RBFOX1: variants seen among roughly 807,000 people sequenced by gnomAD.
RBFOX1 encodes the protein RNA binding protein fox-1 homolog 1.
RBFOX1 carries 8 observed loss-of-function variants against 57.7 expected under a neutral mutation model. The observed-to-expected ratio is 0.14, with a 90% CI of 0.08 to 0.25. The LOEUF is 0.25. RBFOX1 is among the 10% of genes least tolerant of loss of function. The pLI is 1.00. For missense variants in RBFOX1, 611 were observed against 548.5 expected (o/e 1.11, Z -1.14); for synonymous variants, 326 against 222.4 (o/e 1.47, Z -4.15).
intron 4 of RBFOX1, among the ~76,000 whole-genome samples, chr16:7,059,077 A>T (rs1036676296): frequency 6.6e-6 from 1 of 152,184 alleles, no homozygotes; most frequent in African/African-American, 2.4e-5. Context: ...GGATTGCATA[A>T]TGAAAATTGC....
intron 3 of RBFOX1, among the ~76,000 whole-genome samples, chr16:5,820,442 C>A (rs969379831): frequency 6.6e-6 from 1 of 152,236 alleles, no homozygotes; most frequent in South Asian, 2.1e-4. Flanking sequence ...GTGGCTGGAC[C>A]GTGCCGGGAT....
At chr16:6,221,327 C>G (rs992197985) in intron 1 of RBFOX1, among the ~76,000 whole-genome samples, 1 of 152,120 alleles carries the variant, frequency 6.6e-6, no homozygotes, top group African/African-American at 2.4e-5. Flanking sequence ...ATTTGAATTT[C>G]ATTACTAGTG....
At chr16:7,226,293 C>T (rs1383375143) in intron 4 of RBFOX1, among the ~76,000 whole-genome samples, 1 of 152,206 alleles carries the variant, frequency 6.6e-6, no homozygotes, top group Non-Finnish European at 1.5e-5. Flanking sequence ...GAACTACAAG[C>T]TACGGAGTTC....
At chr16:6,574,706 G>C (rs2097400567) in intron 2 of RBFOX1, among the ~76,000 whole-genome samples, 1 of 112 alleles carries the variant, frequency 8.9e-3, no homozygotes. Context: ...GGGATTACAG[G>C]CGTGACTACC....
At chr16:7,230,657 A>C (rs2093445778) in intron 4 of RBFOX1, among the ~76,000 whole-genome samples, 1 of 152,196 alleles carries the variant, frequency 6.6e-6, no homozygotes, top group Non-Finnish European at 1.5e-5. Context: ...TTGTTTGTGA[A>C]AATCAGTTGA....
intron 10 of RBFOX1, among the ~76,000 whole-genome samples, chr16:7,626,535 G>C (rs2060098183): frequency 6.6e-6 from 1 of 152,178 alleles, no homozygotes; most frequent in Admixed American, 6.5e-5. Flanking sequence ...ATTGAGGTCT[G>C]TCCCATGGAG....
At chr16:7,446,065 C>T (rs548682185) in intron 4 of RBFOX1, among the ~76,000 whole-genome samples, 2 of 152,158 alleles carry the variant, frequency 1.3e-5, no homozygotes, top group Non-Finnish European at 2.9e-5. Context: ...CCCTGCTACT[C>T]CATCTTGTCT....
intron 2 of RBFOX1, among the ~76,000 whole-genome samples, chr16:5,531,965 A>T (rs2044495959): frequency 6.6e-6 from 1 of 151,986 alleles, no homozygotes; most frequent in African/African-American, 2.4e-5. Flanking sequence ...ATTCCTGGCT[A>T]ATTTTTGTAT....
chr16:7,175,096 A>G (rs111958597), intron 4 of RBFOX1, among the ~76,000 whole-genome samples: 13,801 of 151,518 alleles, frequency 0.091, 822 homozygotes, highest in Non-Finnish European at 0.13. Context: ...CGTTTGTTAC[A>G]TAGGTAAATG....
At chr16:6,716,912 A>T (rs750938217) in intron 3 of RBFOX1, among the ~76,000 whole-genome samples, 1 of 152,198 alleles carries the variant, frequency 6.6e-6, no homozygotes, top group South Asian at 2.1e-4. Context: ...ATGTGATGGT[A>T]TTAGGAGGTG....
intron 1 of RBFOX1, among the ~76,000 whole-genome samples, chr16:6,287,127 G>C (rs1446431021): frequency 1.3e-5 from 2 of 152,106 alleles, no homozygotes; most frequent in African/African-American, 4.8e-5. Context: ...AGGGTATTCA[G>C]AGTCATTTGA....
At chr16:7,383,635 C>G (rs568215308) in intron 4 of RBFOX1, among the ~76,000 whole-genome samples, 3 of 152,226 alleles carry the variant, frequency 2.0e-5, no homozygotes, top group Non-Finnish European at 2.9e-5. Flanking sequence ...GAATATGACA[C>G]CTTCATGATA....
At chr16:5,844,321 A>T (rs4786781) in intron 3 of RBFOX1, among the ~76,000 whole-genome samples, 318 of 152,320 alleles carry the variant, frequency 2.1e-3, no homozygotes, top group Middle Eastern at 0.017. Context: ...CTGCATTTTA[A>T]AATCTGGTTG....
At chr16:6,573,910 C>T (rs4786887) in intron 2 of RBFOX1, 146,320 of 152,288 alleles carry the variant, frequency 0.96, 70,567 homozygotes, top group Non-Finnish European at 1. Context: ...GGAGGACAGT[C>T]AGAGGAAGAC....
chr16:5,907,775 C>A (rs75875224), intron 4 of RBFOX1, among the ~76,000 whole-genome samples: 8,323 of 151,542 alleles, frequency 0.055, 271 homozygotes, highest in African/African-American at 0.089. Context: ...TTTGAGATGG[C>A]ATCTTTTCTC....
intron 2 of RBFOX1, among the ~76,000 whole-genome samples, chr16:6,649,425 T>C (rs946712967): frequency 3.3e-5 from 5 of 152,196 alleles, no homozygotes; most frequent in African/African-American, 1.2e-4. Flanking sequence ...CATGAACAAG[T>C]TCTTCAGTGG....
chr16:5,915,958 G>T (rs550112931), intron 4 of RBFOX1, among the ~76,000 whole-genome samples: 1 of 152,306 alleles, frequency 6.6e-6, no homozygotes, highest in East Asian at 1.9e-4. Context: ...TCAGTGCACT[G>T]CCCTATGAAC....
At chr16:5,376,902 C>T (rs2065998937) in intron 1 of RBFOX1, among the ~76,000 whole-genome samples, 1 of 148,646 alleles carries the variant, frequency 6.7e-6, no homozygotes, top group African/African-American at 2.5e-5. Context: ...GACTAGGCCC[C>T]TGTTGCCTGC....
intron 3 of RBFOX1, among the ~76,000 whole-genome samples, chr16:5,630,682 G>T (rs1191388728): frequency 6.6e-6 from 1 of 152,074 alleles, no homozygotes; most frequent in Non-Finnish European, 1.5e-5. Flanking sequence ...AAGCCAAGCC[G>T]GCTTCTTATT....
Sources: gnomAD v4.1 joint callset for allele counts (sites outside exome capture counted in the v4.1 genomes callset) on GRCh38, gnomAD v4.1.1 for gene constraint, MANE v1.5 for transcripts, NCBI Gene and HGNC (gene_info 2026-07-23, HGNC 2026-07-21) for gene names.